The following RGS7 variants were observed in gnomAD, a reference collection of about 807,000 sequenced individuals.
RGS7 encodes the protein regulator of G protein signaling 7.
In RGS7, 27 loss-of-function variants were observed where a neutral mutation model predicts 81.1. The observed-to-expected ratio is 0.33, with a 90% CI of 0.25 to 0.46. The LOEUF (loss-of-function observed/expected upper bound fraction) is 0.46, where lower values mean the gene tolerates loss of function less well. Among genes scored for constraint, RGS7 ranks in the 20% least tolerant of loss-of-function variants. The pLI, the probability that RGS7 is intolerant of heterozygous loss-of-function variation, is 1.00. For synonymous variants in RGS7, 208 were observed against 207.7 expected, an observed-to-expected ratio of 1.00 and a Z score of -0.01; for missense variants, 396 against 607.4, an observed-to-expected ratio of 0.65 and a Z score of 3.66.
intron 3 of RGS7, among the ~76,000 whole-genome samples, chr1:241,089,021 ATCTCTCTCTCTCTCTC>A (rs1158514403): frequency 2.5e-4 from 6 of 23,652 alleles, no homozygotes; most frequent in Non-Finnish European, 2.7e-4. Context: ...GCAAGACTCC[ATCTCTCTCTCTCTCTC>A]TCTCTCTCTC....
chr1:241,161,949 T>G (rs2103201611), intron 2 of RGS7, among the ~76,000 whole-genome samples: 1 of 152,176 alleles, frequency 6.6e-6, no homozygotes, highest in Middle Eastern at 3.4e-3. Flanking sequence ...ACTCCTGACC[T>G]CAGGTGATCC....
At chr1:241,334,033 C>CAT (rs1428764293) in intron 2 of RGS7, among the ~76,000 whole-genome samples, 5 of 150,070 alleles carry the variant, frequency 3.3e-5, no homozygotes, top group Non-Finnish European at 7.4e-5. Context: ...TCTGTATATA[C>CAT]ATATATATAG....
At chr1:241,016,321 C>T (rs1428392531) in intron 3 of RGS7, among the ~76,000 whole-genome samples, 1 of 152,046 alleles carries the variant, frequency 6.6e-6, no homozygotes, top group Non-Finnish European at 1.5e-5. Flanking sequence ...AGAACAAGAC[C>T]ATCCTGGCCA....
intron 9 of RGS7, among the ~76,000 whole-genome samples, chr1:240,836,967 G>T (rs1280710502): frequency 1.3e-5 from 2 of 152,160 alleles, no homozygotes; most frequent in African/African-American, 4.8e-5. Flanking sequence ...AACTATCTGT[G>T]CATCCTTCAA....
intron 3 of RGS7, among the ~76,000 whole-genome samples, chr1:241,034,742 G>T (rs969477496): frequency 1.3e-5 from 2 of 152,166 alleles, no homozygotes; most frequent in Non-Finnish European, 2.9e-5. Context: ...GGTTCTGATG[G>T]CTATTCATTC....
chr1:241,261,130 T>A (rs2077312341), intron 2 of RGS7, among the ~76,000 whole-genome samples: 1 of 151,152 alleles, frequency 6.6e-6, no homozygotes, highest in South Asian at 2.1e-4. Flanking sequence ...CAAAAGGCAG[T>A]GTTTTTAACA....
chr1:240,792,632 G>A (rs1293202260), intron 18 of RGS7, among the ~76,000 whole-genome samples: 1 of 152,012 alleles, frequency 6.6e-6, no homozygotes, highest in Admixed American at 6.6e-5. Context: ...TCCTCTCCCT[G>A]CCTACTCTGC....
intron 3 of RGS7, among the ~76,000 whole-genome samples, chr1:241,091,674 C>A (rs896155661): frequency 6.6e-6 from 1 of 151,972 alleles, no homozygotes; most frequent in African/African-American, 2.4e-5. Context: ...TCTCTTGAGT[C>A]CAGGAGTTTG....
At chr1:241,026,924 G>A (rs557223513) in intron 3 of RGS7, among the ~76,000 whole-genome samples, 14 of 151,660 alleles carry the variant, frequency 9.2e-5, no homozygotes, top group South Asian at 2.1e-4. Context: ...TTTTGTACGC[G>A]TAAGAAATGG....
At chr1:241,230,753 G>A (rs1473516736) in intron 2 of RGS7, among the ~76,000 whole-genome samples, 1 of 152,200 alleles carries the variant, frequency 6.6e-6, no homozygotes, top group Non-Finnish European at 1.5e-5. Flanking sequence ...CTAGGACCGT[G>A]AGTACAGCTG....
Position 240,780,630 on chromosome 1 carries a change from A to G in RGS7, c.*7-4417T>C, listed in dbSNP as rs914901024. Among the ~76,000 whole-genome samples the G allele has an allele frequency of 5.3e-5, 8 of 151,854 alleles. 1 individual carries two copies. The highest frequency in any genetic ancestry group is 1.2e-4 in the Non-Finnish European group (8 of 67,950). The stretch of plus-strand genomic sequence containing the variant: ...TTTGGTTCAAAATTCTGGGAAGAAG[A>G]ATGGGCCGGGCGCGGTGGCTGACGC... On this transcript the variant is annotated intron_variant, in intron 18 of 18. Transcript: ENST00000440928.
chr1:240,894,850 A>G (rs1668789440), intron 6 of RGS7, among the ~76,000 whole-genome samples: 1 of 152,098 alleles, frequency 6.6e-6, no homozygotes, highest in Admixed American at 6.6e-5. Context: ...TGGGAATTCC[A>G]TGTGCAATGG....
chr1:241,064,478 C>T (rs988765212), intron 3 of RGS7, among the ~76,000 whole-genome samples: 11 of 150,608 alleles, frequency 7.3e-5, no homozygotes, highest in African/African-American at 2.7e-4. Context: ...GTCCCAGCTA[C>T]ACAGGAGGTT....
At chr1:241,171,697 T>G (rs1433823572) in intron 2 of RGS7, among the ~76,000 whole-genome samples, 1 of 152,186 alleles carries the variant, frequency 6.6e-6, no homozygotes, top group East Asian at 1.9e-4. Flanking sequence ...TTTTGAGAGA[T>G]AGATGGATTA....
intron 6 of RGS7, among the ~76,000 whole-genome samples, chr1:240,919,427 T>C (rs556165393): frequency 6.6e-6 from 1 of 152,174 alleles, no homozygotes; most frequent in East Asian, 1.9e-4. Flanking sequence ...TGACAATTTA[T>C]ACATTAATTA....
At chr1:240,962,035 T>C (rs781585703) in intron 4 of RGS7, among the ~76,000 whole-genome samples, 16 of 152,112 alleles carry the variant, frequency 1.1e-4, no homozygotes, top group Non-Finnish European at 1.9e-4. Flanking sequence ...TTGCTCCCCT[T>C]CCTTTTGAGT....
chr1:241,178,924 C>T lies in RGS7; in HGVS notation c.79-80162G>A, dbSNP rs116336141. Among the ~76,000 whole-genome samples the T allele has an allele frequency of 5.1e-3, 782 of 152,242 alleles. 4 individuals are homozygous for T. Among genetic ancestry groups the T allele is most frequent in the Non-Finnish European group, 8.8e-3 (602 of 68,028 alleles). On this transcript the variant is annotated intron_variant, in intron 2 of 18. Coordinates refer to ENST00000440928, the MANE Select transcript of RGS7 (RefSeq NM_001364886.1). ...AACTGTGCTATATACTTTCAGTGTT[C>T]ACTGTGTAAGATACTAAAGGGCTTA... is the stretch of plus-strand genomic sequence containing the variant.
At chr1:241,168,809 A>G (rs185688993) in intron 2 of RGS7, among the ~76,000 whole-genome samples, 3 of 152,234 alleles carry the variant, frequency 2.0e-5, no homozygotes, top group East Asian at 1.9e-4. Context: ...CAAGAGCCCA[A>G]TGAGCAGAGG....
intron 2 of RGS7, among the ~76,000 whole-genome samples, chr1:241,308,625 G>A (rs1218979773): frequency 1.3e-5 from 2 of 152,112 alleles, no homozygotes; most frequent in Non-Finnish European, 2.9e-5. Context: ...GTCATGGCCT[G>A]GATACAAGTG....
Sources: gnomAD v4.1 joint callset for allele counts (sites outside exome capture counted in the v4.1 genomes callset) on GRCh38, gnomAD v4.1.1 for gene constraint, MANE v1.5 for transcripts, NCBI Gene and HGNC (gene_info 2026-07-23, HGNC 2026-07-21) for gene names.